Variants in ACOT2 observed in about 807,000 individuals in gnomAD.
ACOT2 encodes acyl-coenzyme A thioesterase 2, mitochondrial.
A neutral mutation model predicts 20.1 loss-of-function variants in ACOT2; 15 were observed. The ratio of observed to expected loss-of-function variants is 0.75; its 90% CI spans 0.50 to 1.15. The LOEUF is 1.15. Among genes scored for constraint, ACOT2 ranks in the 50% most tolerant of loss-of-function variants. The pLI, the probability that ACOT2 is intolerant of heterozygous loss-of-function variation, is 0.00. For missense variants in ACOT2, 479 were observed against 615.3 expected (o/e 0.78, Z 2.34); for synonymous variants, 252 against 268.4 (o/e 0.94, Z 0.60).
chr14:73,573,419 G>A lies in ACOT2; in HGVS notation c.675G>A (p.Met225Ile). The change falls in exon 2 of 3, where the codon ATG (methionine) becomes ATA (isoleucine). Residue 225 changes from methionine (M) to isoleucine (I), a missense_variant. By Grantham distance (10) the Met-to-Ile change is conservative. This residue lies in a region of ACOT2 where 400 missense variants were observed against 395.5 expected (regional missense o/e 1.01). Coordinates refer to ENST00000238651, the MANE Select transcript of ACOT2 (RefSeq NM_006821.6). ...GGCCCTTTCCTGGGATTGTGGACAT[G>A]TTCGGAACTGGAGGTGGCCTGCTGG... ...EPGPFPGIVDMFGTGGGLLEY... is the reference protein window; with the variant it reads ...EPGPFPGIVDIFGTGGGLLEY... 5 of 1,613,754 alleles carry A rather than the reference G, an allele frequency of 3.1e-6. No homozygotes were observed. Among genetic ancestry groups the A allele is most frequent in the Non-Finnish European group, 4.2e-6 (5 of 1,179,736 alleles).
Position 73,574,972 on chromosome 14 carries a change from C to T in ACOT2, c.911C>T (p.Ala304Val). The change falls in exon 3 of 3, where the codon GCC becomes GTC. Residue 304 changes from alanine to valine, a missense_variant. Physicochemically the swap from Ala to Val is moderately conservative, Grantham distance 64 (BLOSUM62 0). Coordinates refer to ENST00000238651, the MANE Select transcript of ACOT2 (RefSeq NM_006821.6). ...GGGGGTGAGCTCTGCCTTTCCATGG[C>T]CTCTTTCCTGAAGGGCATCACGGCT... Reference protein sequence around the residue: ...SKGGELCLSMASFLKGITAAV... With the variant: ...SKGGELCLSMVSFLKGITAAV... The T allele has an allele frequency of 1.2e-6, 2 of 1,605,166 alleles. No homozygotes were observed. Among genetic ancestry groups the T allele is most frequent in the Non-Finnish European group, 1.7e-6 (2 of 1,174,054 alleles).
rs1326939972 is a variant in ACOT2 at position 73,569,684 on chromosome 14, C to T, written c.444C>T (p.Pro148=). The T allele has an allele frequency of 1.9e-6, 3 of 1,609,412 alleles. No individual in the cohort carries two copies. The highest frequency in any genetic ancestry group is 2.5e-6 in the Non-Finnish European group (3 of 1,178,882). ...TGGGGCTGCTCTGGGCCTTGGAGCC[C>T]GAGAAACCTTTGGTGCGGCTGGTGA... is the stretch of plus-strand genomic sequence containing the variant. ...EPMGLLWALE[P]EKPLVRLVKR... is the part of the protein sequence containing the mutation. The change falls in exon 1 of 3, where the codon CCC becomes CCT. Residue 148 remains proline (P), a synonymous_variant. Transcript: ENST00000238651.
At position 73,569,502 on chromosome 14, in the gene ACOT2, C is replaced by G. The variant is rs369708492; in HGVS notation, c.262C>G (p.Leu88Val). The G allele has an allele frequency of 1.1e-4, 172 of 1,610,974 alleles. 2 individuals are homozygous for G. In the African/African-American group the frequency reaches 2.2e-3, roughly 20 times the overall value. The change falls in exon 1 of 3, where the codon CTA (leucine) becomes GTA (valine). Residue 88 changes from leucine to valine, a missense_variant. This residue lies in a region of ACOT2 where 400 missense variants were observed against 395.5 expected (regional missense o/e 1.01). Coordinates refer to ENST00000238651, the MANE Select transcript of ACOT2 (RefSeq NM_006821.6). The stretch of plus-strand genomic sequence containing the variant: ...ACCGGTGCGAATCGCCGTGCGCGGC[C>G]TAGCCCCGGAGCAGCCGGTCACGCT... The part of the protein sequence containing the change: ...DEPVRIAVRG[L>V]APEQPVTLRA...
At position 73,569,219 on chromosome 14, in the gene ACOT2, C is replaced by T; in HGVS notation, c.-22C>T. The T allele has an allele frequency of 6.2e-7, 1 of 1,611,548 alleles. No individual in the cohort carries two copies. The highest frequency in any genetic ancestry group is 8.5e-7 in the Non-Finnish European group (1 of 1,178,386). On this transcript the variant is annotated 5_prime_UTR_variant, in exon 1 of 3. Transcript: ENST00000238651. ...CAGCTCTGCCCTAGTGGGCGCTTAGCCTGCGACGGCAGCCCGAGAGGATGT... is the reference window on the plus strand; with the variant it reads ...CAGCTCTGCCCTAGTGGGCGCTTAGTCTGCGACGGCAGCCCGAGAGGATGT...
rs1377219323 is a variant in ACOT2 at position 73,569,290 on chromosome 14, C to T, written c.50C>T (p.Ser17Phe). ...CACCCCCATTCAGTTGTTCTCAGGT[C>T]TGAATTCAAAATGGCCTCATCTCCT... ...SPHPHSVVLR[S>F]EFKMASSPAV... The change falls in exon 1 of 3, where the codon TCT becomes TTT. Residue 17 changes from serine to phenylalanine, a missense_variant. Ser to Phe is a radical substitution (Grantham distance 155). This residue lies in a region of ACOT2 where 400 missense variants were observed against 395.5 expected (regional missense o/e 1.01). Transcript: ENST00000238651. The T allele has an allele frequency of 6.2e-7, 1 of 1,613,906 alleles. No individual in the cohort carries two copies. Among genetic ancestry groups the T allele is most frequent in the Admixed American group, 1.7e-5 (1 of 60,018 alleles).
At chr14:73,574,633 G>A (rs1889841697) in intron 2 of ACOT2, among the ~76,000 whole-genome samples, 2 of 151,982 alleles carry the variant, frequency 1.3e-5, no homozygotes, top group South Asian at 4.1e-4. Flanking sequence ...TCAGGTGGGA[G>A]ACAGAAAAAG....
At chr14:73,568,505 T>C (rs1219564469), upstream of ACOT2, among the ~76,000 whole-genome samples, 1 of 151,790 alleles carries the variant, frequency 6.6e-6, no homozygotes, top group Non-Finnish European at 1.5e-5. Context: ...GGTTTGTAAG[T>C]GCAGTGATGG....
rs1255440005 is a variant in ACOT2, at chr14:73,574,832, C to A, written c.847-76C>A. ...ATTCAGACTCAGGTTCAACTAACTT[C>A]CAGGGTGGACACAACTCACCATATT... On this transcript the variant is annotated intron_variant, in intron 2 of 2. Coordinates refer to ENST00000238651, the MANE Select transcript of ACOT2 (RefSeq NM_006821.6). 5 of 1,606,274 alleles carry A rather than the reference C, an allele frequency of 3.1e-6. No homozygotes were observed. In the African/African-American group the frequency reaches 4.0e-5, roughly 13 times the overall value.
In ACOT2 at chr14:73,569,507, C is replaced by T; in HGVS notation, c.267C>T (p.Ala89=). The T allele has an allele frequency of 3.1e-6, 5 of 1,609,762 alleles. No homozygotes were observed. In the South Asian group the frequency reaches 5.5e-5, roughly 18 times the overall value. The change falls in exon 1 of 3, where the codon GCC becomes GCT. Residue 89 remains alanine, a synonymous_variant. Coordinates refer to ENST00000238651, the MANE Select transcript of ACOT2 (RefSeq NM_006821.6). ...EPVRIAVRGL[A]PEQPVTLRAS... is the part of the protein sequence containing the mutation. ...TGCGAATCGCCGTGCGCGGCCTAGC[C>T]CCGGAGCAGCCGGTCACGCTGCGCG...
intron 1 of ACOT2, among the ~76,000 whole-genome samples, chr14:73,571,835 G>C (rs1441281196): frequency 2.0e-5 from 3 of 152,046 alleles, no homozygotes; most frequent in Admixed American, 6.6e-5. Context: ...ATTTACAATA[G>C]GAAAACCTCT....
At position 73,569,705 on chromosome 14, in the gene ACOT2, G is replaced by C. The variant is rs1284409989; in HGVS notation, c.465G>C (p.Leu155=). The C allele has an allele frequency of 2.3e-5, 37 of 1,609,556 alleles. No individual in the cohort carries two copies. Among genetic ancestry groups the C allele is most frequent in the Non-Finnish European group, 3.0e-5 (35 of 1,178,928 alleles). ...ALEPEKPLVR[L]VKRDVRTPLA... is the part of the protein sequence containing the mutation. Reference sequence around the variant, plus strand: ...AGCCCGAGAAACCTTTGGTGCGGCTGGTGAAGCGCGACGTGCGAACGCCCT... The same window carrying C: ...AGCCCGAGAAACCTTTGGTGCGGCTCGTGAAGCGCGACGTGCGAACGCCCT... The change falls in exon 1 of 3, where the codon CTG becomes CTC. Residue 155 remains leucine (L), a synonymous_variant. Transcript: ENST00000238651.
At chr14:73,572,113 C>T (rs143569107) in intron 1 of ACOT2, among the ~76,000 whole-genome samples, 17,285 of 133,522 alleles carry the variant, frequency 0.13, 2,271 homozygotes, top group African/African-American at 0.38. Flanking sequence ...TCTTAACTTA[C>T]AAAGTTAAAT....
chr14:73,569,295 T>C lies in ACOT2; in HGVS notation c.55T>C (p.Phe19Leu). 6.2e-7 allele frequency: 1 copy of C among 1,613,918 alleles called. No individual in the cohort carries two copies. The highest frequency in any genetic ancestry group is 8.5e-7 in the Non-Finnish European group (1 of 1,179,770). ...CCATTCAGTTGTTCTCAGGTCTGAA[T>C]TCAAAATGGCCTCATCTCCTGCTGT... Reference protein sequence around the residue: ...HPHSVVLRSEFKMASSPAVLR... With the variant: ...HPHSVVLRSELKMASSPAVLR... The change falls in exon 1 of 3, where the codon TTC (phenylalanine) becomes CTC (leucine). Residue 19 changes from phenylalanine to leucine, a missense_variant. By Grantham distance (22) the Phe-to-Leu change is conservative. Transcript: ENST00000238651.
chr14:73,570,607 T>C (rs972844156), intron 1 of ACOT2, among the ~76,000 whole-genome samples: 5 of 151,396 alleles, frequency 3.3e-5, no homozygotes, highest in African/African-American at 4.9e-5. Context: ...AAGACACTTA[T>C]ATTAAAAACA....
intron 2 of ACOT2, among the ~76,000 whole-genome samples, chr14:73,574,561 C>A (rs1350830280): frequency 3.3e-5 from 5 of 151,990 alleles, no homozygotes; most frequent in Middle Eastern, 3.2e-3. Context: ...CCACTCCCGG[C>A]CATGAGATGA....
chr14:73,569,944 G>T, intron 1 of ACOT2, 61 bp downstream of exon 1: 1 of 1,531,470 alleles, frequency 6.5e-7, no homozygotes, highest in Middle Eastern at 1.8e-4. Context: ...TGTCTCCCCC[G>T]CCCCACGCTT....
chr14:73,567,987 C>T (rs1889635168), upstream of ACOT2: 4 of 152,162 alleles, frequency 2.6e-5, no homozygotes, highest in Admixed American at 2.6e-4. Flanking sequence ...CTGTAACAGT[C>T]ACTGCGAGGG....
intron 2 of ACOT2, among the ~76,000 whole-genome samples, 178 bp from the exon 3 acceptor site, chr14:73,574,730 G>A (rs914614338): frequency 2.0e-5 from 3 of 152,052 alleles, no homozygotes; most frequent in Non-Finnish European, 2.9e-5. Flanking sequence ...AGTGGTGATG[G>A]ACAAATTGTG....
chr14:73,572,037 A>T (rs1473207352), intron 1 of ACOT2, among the ~76,000 whole-genome samples: 1 of 151,134 alleles, frequency 6.6e-6, no homozygotes, highest in Non-Finnish European at 1.5e-5. Flanking sequence ...GCTGACCAGT[A>T]TGTGGAGGAA....
Sources: allele counts gnomAD v4.1 joint callset (sites outside exome capture counted in the v4.1 genomes callset), GRCh38; gene constraint gnomAD v4.1.1; regional missense constraint gnomAD v4.1.1; transcripts MANE v1.5; gene names NCBI Gene and HGNC (gene_info 2026-07-23, HGNC 2026-07-21).